Variants in PPP1R12B observed in about 807,000 individuals in gnomAD.
PPP1R12B encodes myosin phosphatase target subunit 2.
In PPP1R12B, 76 loss-of-function variants were observed where a neutral mutation model predicts 126.1. The ratio of observed to expected loss-of-function variants is 0.60; its 90% CI spans 0.50 to 0.73. PPP1R12B has a LOEUF of 0.73. Ranked by LOEUF, PPP1R12B falls within the 30% of genes least tolerant of loss-of-function variation. PPP1R12B has a pLI of 0.00. For missense variants in PPP1R12B, 1,052 were observed against 1,205.1 expected (o/e 0.87, Z 1.88); for synonymous variants, 356 against 434.7 (o/e 0.82, Z 2.25).
intron 18 of PPP1R12B, among the ~76,000 whole-genome samples, chr1:202,511,662 G>A (rs959084152): frequency 1.3e-5 from 2 of 151,602 alleles, no homozygotes; most frequent in Admixed American, 1.3e-4. Flanking sequence ...CCATTCCTGA[G>A]TTATTACACT....
Position 202,583,810 on chromosome 1 carries a change from A to G in PPP1R12B, c.*3250A>G, listed in dbSNP as rs1341035472. On this transcript the variant is annotated 3_prime_UTR_variant, in exon 24 of 24. Transcript: ENST00000608999. Reference sequence around the variant, plus strand: ...TCAAGCTGAATAAATAGCTGCAGACATGGCCAACAACATGGGGCTCAGGTC... The same window carrying G: ...TCAAGCTGAATAAATAGCTGCAGACGTGGCCAACAACATGGGGCTCAGGTC... The G allele has an allele frequency of 6.6e-6, 1 of 152,258 alleles. No homozygotes were observed. Among genetic ancestry groups the G allele is most frequent in the Non-Finnish European group, 1.5e-5 (1 of 68,046 alleles). The allele number at this position is 152,258 out of a possible 1,614,324, so 9.4% of individuals were successfully genotyped here. A position where few individuals can be genotyped will look rare whatever the true frequency, so the allele number is the denominator to read the frequency against.
Position 202,586,502 on chromosome 1 carries a change from T to C in PPP1R12B, c.*5942T>C, listed in dbSNP as rs1260888107. 2 of 152,252 alleles carry C rather than the reference T, an allele frequency of 1.3e-5. No individual in the cohort carries two copies. The highest frequency in any genetic ancestry group is 4.8e-5 in the African/African-American group (2 of 41,466). The allele number at this position is 152,252 out of a possible 1,614,324, so 9.4% of individuals were successfully genotyped here. ...CAGCTTCCTTAATGGGTATTGACACTGCTCAGGAAGCAGTAGACCCTGTCA... is the reference window on the plus strand; with the variant it reads ...CAGCTTCCTTAATGGGTATTGACACCGCTCAGGAAGCAGTAGACCCTGTCA... On this transcript the variant is annotated 3_prime_UTR_variant, in exon 24 of 24. Coordinates refer to ENST00000608999, the MANE Select transcript of PPP1R12B (RefSeq NM_002481.4).
chr1:202,571,455 T>TC (rs1688594331), intron 23 of PPP1R12B, among the ~76,000 whole-genome samples: 1 of 150,732 alleles, frequency 6.6e-6, no homozygotes, highest in Non-Finnish European at 1.5e-5. Context: ...GTTTTTTTTT[T>TC]CTCTTTGAGA....
chr1:202,491,300 C>A (rs1385955649), intron 14 of PPP1R12B, among the ~76,000 whole-genome samples: 1 of 152,160 alleles, frequency 6.6e-6, no homozygotes, highest in South Asian at 2.1e-4. Context: ...AGGCACCCAT[C>A]ACCACACCTG....
intron 1 of PPP1R12B, among the ~76,000 whole-genome samples, chr1:202,359,073 A>G (rs980417256): frequency 2.0e-5 from 3 of 152,176 alleles, no homozygotes; most frequent in South Asian, 2.1e-4. Context: ...CTTATGGCCA[A>G]TCTTGTTTCA....
At position 202,527,436 on chromosome 1, in the gene PPP1R12B, T is replaced by TCAAAAGC. The variant is rs1419149923; in HGVS notation, c.2490+30615_2490+30621dup. ...GGGAGGGTAAAATGCAGTAAACCTT[T>TCAAAAGC]CAAAAGCTGATCTAGAGAAAAACTA... On this transcript the variant is annotated intron_variant, in intron 18 of 23. Coordinates refer to ENST00000608999, the MANE Select transcript of PPP1R12B (RefSeq NM_002481.4). 19 of 152,208 alleles carry TCAAAAGC rather than the reference T, an allele frequency of 1.2e-4. No homozygotes were observed. The South Asian group carries it at 3.9e-3, about 32-fold the overall frequency. The allele number at this position is 152,208 out of a possible 1,614,324, so 9.4% of individuals were successfully genotyped here.
At chr1:202,442,876 A>G (rs1280735270) in intron 12 of PPP1R12B, among the ~76,000 whole-genome samples, 2 of 151,512 alleles carry the variant, frequency 1.3e-5, no homozygotes, top group African/African-American at 4.9e-5. Flanking sequence ...AATTTAAGTT[A>G]TCCTTGTCCA....
intron 1 of PPP1R12B, among the ~76,000 whole-genome samples, chr1:202,359,983 C>A (rs536883712): frequency 4.3e-4 from 66 of 152,126 alleles, no homozygotes; most frequent in Non-Finnish European, 6.5e-4. Flanking sequence ...TTGATTGATA[C>A]GTATTTTAAT....
intron 23 of PPP1R12B, among the ~76,000 whole-genome samples, chr1:202,572,486 CT>C (rs1158117752): frequency 5.9e-5 from 9 of 152,192 alleles, no homozygotes; most frequent in Non-Finnish European, 1.0e-4. Context: ...TGTGTTGTGC[CT>C]TTCTGGACTT....
intron 1 of PPP1R12B, among the ~76,000 whole-genome samples, chr1:202,403,953 T>A (rs1387474856): frequency 2.0e-5 from 3 of 152,204 alleles, no homozygotes; most frequent in Non-Finnish European, 2.9e-5. Flanking sequence ...TCCTCCCCAG[T>A]GTCTTAGCTG....
intron 1 of PPP1R12B, among the ~76,000 whole-genome samples, chr1:202,378,488 T>C (rs567161560): frequency 1.3e-5 from 2 of 152,166 alleles, no homozygotes; most frequent in East Asian, 3.9e-4. Context: ...TCTTTTTTTG[T>C]TGTTGTTTTG....
At chr1:202,352,610 C>T (rs1041284898) in intron 1 of PPP1R12B, among the ~76,000 whole-genome samples, 2 of 152,068 alleles carry the variant, frequency 1.3e-5, no homozygotes, top group Admixed American at 6.6e-5. Flanking sequence ...CACTGGCGGC[C>T]GGGGGTGGTG....
At chr1:202,421,127 T>A (rs1668699062) in intron 2 of PPP1R12B, among the ~76,000 whole-genome samples, 6 of 151,834 alleles carry the variant, frequency 4.0e-5, no homozygotes, top group Admixed American at 3.3e-4. Flanking sequence ...GGCTAAGTTT[T>A]GTGTTTTTAG....
chr1:202,567,204 A>G (rs1158601167), intron 21 of PPP1R12B, among the ~76,000 whole-genome samples: 1 of 152,230 alleles, frequency 6.6e-6, no homozygotes, highest in African/African-American at 2.4e-5. Context: ...GGCAGATGCC[A>G]TGAATGGACT....
At chr1:202,359,834 T>C (rs1211449309) in intron 1 of PPP1R12B, among the ~76,000 whole-genome samples, 2 of 152,172 alleles carry the variant, frequency 1.3e-5, no homozygotes, top group South Asian at 2.1e-4. Context: ...ACAAATTTCA[T>C]TGGCACACCT....
At chr1:202,387,001 G>A (rs1663256079) in intron 1 of PPP1R12B, among the ~76,000 whole-genome samples, 1 of 152,164 alleles carries the variant, frequency 6.6e-6, no homozygotes, top group Non-Finnish European at 1.5e-5. Context: ...TTCATTGCTA[G>A]TCCTAACTTA....
chr1:202,559,939 A>G (rs950724706), intron 19 of PPP1R12B, among the ~76,000 whole-genome samples: 1 of 152,194 alleles, frequency 6.6e-6, no homozygotes, highest in African/African-American at 2.4e-5. Context: ...ATGAAACTGT[A>G]CCAATTAAAA....
At chr1:202,374,116 C>T (rs1660748914) in intron 1 of PPP1R12B, among the ~76,000 whole-genome samples, 1 of 152,154 alleles carries the variant, frequency 6.6e-6, no homozygotes. Flanking sequence ...TTTACATTTT[C>T]TCCTGAGCTT....
At chr1:202,386,853 G>A (rs370035857) in intron 1 of PPP1R12B, among the ~76,000 whole-genome samples, 9 of 151,582 alleles carry the variant, frequency 5.9e-5, no homozygotes, top group African/African-American at 9.7e-5. Context: ...GTATATTTTC[G>A]CCTAAGGACT....
Sources: allele counts gnomAD v4.1 joint callset (sites outside exome capture counted in the v4.1 genomes callset), GRCh38; gene constraint gnomAD v4.1.1; transcripts MANE v1.5; gene names NCBI Gene and HGNC (gene_info 2026-07-23, HGNC 2026-07-21).